ODF2: variants seen among roughly 807,000 people sequenced by gnomAD.
ODF2 encodes the protein outer dense fiber protein 2.
In ODF2, 47 loss-of-function variants were observed where a neutral mutation model predicts 110.2. That is an observed-to-expected ratio of 0.43 (90% confidence interval 0.34 to 0.54). The LOEUF (loss-of-function observed/expected upper bound fraction) is 0.54. ODF2 is among the 20% of genes least tolerant of loss of function. ODF2 has a pLI of 0.03. For synonymous variants in ODF2, 352 were observed against 397.7 expected (o/e 0.89, Z 1.37); for missense variants, 812 against 1,054.5 (o/e 0.77, Z 3.19).
At chr9:128,456,666 C>T (rs763706979) in intron 1 of ODF2, 120 of 1,459,644 alleles carry the variant, frequency 8.2e-5, no homozygotes, top group Non-Finnish European at 1.0e-4. Flanking sequence ...TCGTCCTCTC[C>T]TCGGGCCTCC....
chr9:128,480,803 G>A (rs1842247635), intron 8 of ODF2, among the ~76,000 whole-genome samples: 1 of 150,972 alleles, frequency 6.6e-6, no homozygotes, highest in African/African-American at 2.4e-5. Flanking sequence ...GGGGACAAGA[G>A]CGAGACTTCC....
At chr9:128,483,851 A>C (rs1842885276) in intron 10 of ODF2, 87 bp from the exon 11 acceptor site, 1 of 903,760 alleles carries the variant, frequency 1.1e-6, no homozygotes, top group Admixed American at 1.7e-5. Flanking sequence ...GCGCCACTGC[A>C]CTCCAGCCTG....
At chr9:128,463,297 A>G (rs1394870373) in intron 4 of ODF2, among the ~76,000 whole-genome samples, 2 of 152,150 alleles carry the variant, frequency 1.3e-5, no homozygotes, top group Non-Finnish European at 2.9e-5. Flanking sequence ...ATACATCCAT[A>G]CAATGGAATA....
intron 4 of ODF2, among the ~76,000 whole-genome samples, chr9:128,467,744 C>A (rs201402442): frequency 0.024 from 2,836 of 117,544 alleles, no homozygotes; most frequent in Non-Finnish European, 0.027. Flanking sequence ...GACCCTGTCT[C>A]AAAAAAAAAA....
At chr9:128,464,120 C>G (rs1180212318) in intron 4 of ODF2, among the ~76,000 whole-genome samples, 4 of 149,868 alleles carry the variant, frequency 2.7e-5, no homozygotes, top group Admixed American at 2.0e-4. Context: ...GCTGGGATAA[C>G]AGGTGTGAGC....
upstream of ODF2, chr9:128,455,221 C>T: frequency 6.5e-7 from 1 of 1,535,396 alleles, no homozygotes; most frequent in South Asian, 1.2e-5. Context: ...AGGACCTCAT[C>T]AGAATAGGTC....
chr9:128,456,321 C>A (rs1320018284), intron 1 of ODF2, 66 bp downstream of exon 1: 2 of 1,475,848 alleles, frequency 1.4e-6, no homozygotes, highest in African/African-American at 1.5e-5. Flanking sequence ...CCGTCGCCTT[C>A]GCACCCCCGG....
intron 2 of ODF2, among the ~76,000 whole-genome samples, chr9:128,458,419 G>T (rs534870448): frequency 1.3e-5 from 2 of 148,538 alleles, no homozygotes; most frequent in South Asian, 4.3e-4. Context: ...CCAAGATTGG[G>T]CCACTGCACT....
intron 17 of ODF2, 109 bp from the exon 18 acceptor site, chr9:128,495,932 C>T: frequency 7.7e-7 from 1 of 1,307,008 alleles, no homozygotes. Context: ...TGGACACCTG[C>T]TGAGGGCACT....
chr9:128,455,572 A>C (rs1588650651), upstream of ODF2, among the ~76,000 whole-genome samples: 1 of 61,934 alleles, frequency 1.6e-5, no homozygotes, highest in Non-Finnish European at 3.4e-5. Flanking sequence ...AAAAAAAAAA[A>C]AAAAAAAAAA....
chr9:128,485,302 C>T lies in ODF2; in HGVS notation c.1291-63C>T. On this transcript the variant is annotated intron_variant, in intron 12 of 20. Transcript: ENST00000604420. This position sits in a 1 kb window ranked among gnomAD's most constrained non-coding sequence, Gnocchi z 5.0. ...GAAACCACCTAGGATGAGCCCGCTC[C>T]CAGCTCCTGGCAGCCTCACCACTGA... The T allele has an allele frequency of 1.1e-6, 1 of 878,774 alleles. No homozygotes were observed. The highest frequency in any genetic ancestry group is 2.1e-5 in the Admixed American group (1 of 47,906). The allele number at this position is 878,774 out of a possible 1,614,324, so 54.4% of individuals were successfully genotyped here. A position where few individuals can be genotyped will look rare whatever the true frequency, so the allele number is the denominator to read the frequency against.
chr9:128,495,494 T>C (rs1482182377), intron 17 of ODF2, among the ~76,000 whole-genome samples: 1 of 152,226 alleles, frequency 6.6e-6, no homozygotes, highest in East Asian at 1.9e-4. Context: ...ATTGCCTGCC[T>C]TCTCCGTTGA....
At chr9:128,500,878 CT>C (rs1393176772), downstream of ODF2, 11 of 152,092 alleles carry the variant, frequency 7.2e-5, no homozygotes, top group Admixed American at 7.2e-4. Flanking sequence ...ATTTTTGTTT[CT>C]TTTGGCCTGA....
exon 11 of ODF2, chr9:128,484,046 C>A: frequency 1.2e-6 from 2 of 1,609,162 alleles, no homozygotes; most frequent in East Asian, 2.2e-5. Context: ...CCTGTGCATG[C>A]AGATTAAGGT....
At chr9:128,459,427 G>C (rs930169992) in intron 2 of ODF2, 140 bp from the exon 2 acceptor site, 6 of 654,260 alleles carry the variant, frequency 9.2e-6, no homozygotes, top group Non-Finnish European at 1.6e-5. Flanking sequence ...GCTCATCTCA[G>C]GGGAGTCAAG....
At chr9:128,492,608 C>T in intron 15 of ODF2, 72 bp downstream of exon 15, 1 of 1,515,826 alleles carries the variant, frequency 6.6e-7, no homozygotes, top group Non-Finnish European at 9.1e-7. Context: ...GGGCTCCCTA[C>T]CAGGCCACTC....
rs1189194604 is a variant in ODF2 at position 128,456,757 on chromosome 9, GC to G, written c.-208-440del. 11 of 955,236 alleles carry G rather than the reference GC, an allele frequency of 1.2e-5. No individual in the cohort carries two copies. The East Asian group carries it at 1.2e-3, about 107-fold the overall frequency. 59.2% of individuals were successfully genotyped at this position (955,236 alleles called of 1,614,324 possible). A position where few individuals can be genotyped will look rare whatever the true frequency, so the allele number is the denominator to read the frequency against. ...TCCGGCTTGCCAGGGCCCTCGCCCG[GC>G]GGGGGGGGGTCCCGCCCGCCCCCTC... On this transcript the variant is annotated intron_variant, in intron 1 of 20. Coordinates refer to ENST00000604420, the Ensembl canonical transcript of ODF2.
chr9:128,484,348 G>T (rs1420666529), intron 11 of ODF2, among the ~76,000 whole-genome samples: 1 of 152,162 alleles, frequency 6.6e-6, no homozygotes, highest in Non-Finnish European at 1.5e-5. Flanking sequence ...AAGGGAAAGG[G>T]ATGGTCTCTT....
downstream of ODF2, chr9:128,500,673 T>C (rs1564540018): frequency 6.4e-6 from 1 of 157,292 alleles, no homozygotes; most frequent in African/African-American, 2.4e-5. Context: ...TCCTGGGCTG[T>C]AAGCACCATC....
Sources: gnomAD v4.1 joint callset for allele counts (sites outside exome capture counted in the v4.1 genomes callset) on GRCh38, gnomAD v4.1.1 for gene constraint, Gnocchi (gnomAD v3.1) non-coding constraint, MANE v1.5 for transcripts, NCBI Gene and HGNC (gene_info 2026-07-23, HGNC 2026-07-21) for gene names.